GIPC2: variants seen among roughly 807,000 people sequenced by gnomAD.
The protein encoded by GIPC2 is PDZ domain-containing protein GIPC2.
In GIPC2, 30 loss-of-function variants were observed where a neutral mutation model predicts 30.6. That is an observed-to-expected ratio of 0.98 (90% CI 0.73 to 1.33). The LOEUF (loss-of-function observed/expected upper bound fraction) is 1.33. Among genes scored for constraint, GIPC2 ranks in the 40% most tolerant of loss-of-function variants. The probability of loss-of-function intolerance (pLI) is 0.00; values close to 1 mark genes in which losing one functional copy is unlikely to be tolerated. For missense variants in GIPC2, 414 were observed against 390.3 expected (o/e 1.06, Z -0.51); for synonymous variants, 167 against 150.0 (o/e 1.11, Z -0.83).
intron 3 of GIPC2, among the ~76,000 whole-genome samples, chr1:78,119,068 A>G (rs1369134208): frequency 6.7e-6 from 1 of 150,134 alleles, no homozygotes. Flanking sequence ...TTTTTTTGTG[A>G]CTTTGATGAA....
chr1:78,086,369 C>G (rs1254485054), intron 2 of GIPC2, among the ~76,000 whole-genome samples: 1 of 152,036 alleles, frequency 6.6e-6, no homozygotes, highest in Admixed American at 6.6e-5. Flanking sequence ...AGAGTATATA[C>G]CATGTGGTGA....
upstream of GIPC2, chr1:78,045,124 T>C (rs1661044023): frequency 1.1e-6 from 1 of 926,270 alleles, no homozygotes; most frequent in Non-Finnish European, 1.3e-6. Context: ...GAATTACTTG[T>C]ATTTGGTAAT....
rs746204143 is a variant in GIPC2, at chr1:78,046,141, C to G, written c.47C>G (p.Thr16Ser). Residue 16 changes from threonine to serine, a missense_variant, in exon 1 of 6, where the codon ACC becomes AGC. Coordinates refer to ENST00000370759, the MANE Select transcript of GIPC2 (RefSeq NM_017655.6). ...RGKKKAKSKE[T>S]AGLVEGEPTG... ...AAGAAGAAGGCCAAGTCCAAGGAGA[C>G]CGCCGGGCTGGTGGAGGGCGAGCCG... 1.3e-6 allele frequency: 2 copies of G among 1,534,224 alleles called. No individual in the cohort carries two copies. Among genetic ancestry groups the G allele is most frequent in the Non-Finnish European group, 1.7e-6 (2 of 1,143,068 alleles).
intron 2 of GIPC2, among the ~76,000 whole-genome samples, chr1:78,093,096 C>A (rs1215265759): frequency 6.7e-6 from 1 of 150,338 alleles, no homozygotes; most frequent in African/African-American, 2.5e-5. Flanking sequence ...TGTAGTTGAC[C>A]AAATAAAAAA....
intron 1 of GIPC2, among the ~76,000 whole-genome samples, chr1:78,062,622 C>G (rs114870119): frequency 0.019 from 2,934 of 151,644 alleles, 40 homozygotes; most frequent in Non-Finnish European, 0.03. Context: ...ATCCTGTCAC[C>G]TCAGCCTCCT....
chr1:78,052,860 A>G (rs936121390), intron 1 of GIPC2, among the ~76,000 whole-genome samples: 1 of 152,164 alleles, frequency 6.6e-6, no homozygotes, highest in Non-Finnish European at 1.5e-5. Context: ...TTTGAAAGTC[A>G]ATATTCTGTA....
At chr1:78,092,194 T>A in intron 2 of GIPC2, 1 of 582,894 alleles carries the variant, frequency 1.7e-6, no homozygotes, top group Non-Finnish European at 3.0e-6. Context: ...GGGAATGTAA[T>A]TGAAAGGGGA....
chr1:78,075,109 A>G (rs781441416), intron 1 of GIPC2, among the ~76,000 whole-genome samples: 1 of 152,162 alleles, frequency 6.6e-6, no homozygotes, highest in Non-Finnish European at 1.5e-5. Context: ...GCTGCAAGTA[A>G]CAGAAAACTA....
At chr1:78,046,614 G>A (rs1275141429) in intron 1 of GIPC2, among the ~76,000 whole-genome samples, 5 of 152,296 alleles carry the variant, frequency 3.3e-5, no homozygotes, top group Middle Eastern at 3.4e-3. Context: ...GCTTGCAAAT[G>A]TGTTTGCTCC....
rs1661238598 is a variant in GIPC2, at chr1:78,053,762, A to AG, written c.240+7428_240+7429insG. Among the ~76,000 whole-genome samples, 4 of 136,872 alleles carry AG rather than the reference A, an allele frequency of 2.9e-5. No individual in the cohort carries two copies. In the South Asian group the frequency reaches 9.2e-4, roughly 31 times the overall value. The allele number at this position is 136,872 out of a possible 152,430, so 89.8% of individuals were successfully genotyped here. The stretch of plus-strand genomic sequence containing the variant: ...CTGCCTCTTAAAAAAAAAAAAAAAA[A>AG]AAAGCCAAAAAAAAAAAAATTAGCC... On this transcript the variant is annotated intron_variant, in intron 1 of 5. Coordinates refer to ENST00000370759, the MANE Select transcript of GIPC2 (RefSeq NM_017655.6).
chr1:78,134,615 C>A (rs1287402511), intron 5 of GIPC2, among the ~76,000 whole-genome samples: 5 of 152,152 alleles, frequency 3.3e-5, no homozygotes, highest in Non-Finnish European at 7.3e-5. Flanking sequence ...CCACATCTCT[C>A]CCTTTTCTTC....
intron 5 of GIPC2, among the ~76,000 whole-genome samples, chr1:78,132,293 G>C (rs2100454707): frequency 6.6e-6 from 1 of 152,310 alleles, no homozygotes; most frequent in Middle Eastern, 3.4e-3. Context: ...CACTAATGAT[G>C]ATTACTATTA....
chr1:78,137,198 A>G lies in GIPC2; in HGVS notation c.*1455A>G, dbSNP rs1351967648. On this transcript the variant is annotated 3_prime_UTR_variant, in exon 6 of 6. Transcript: ENST00000370759. The stretch of plus-strand genomic sequence containing the variant: ...TAGCTTATAGAATATGGACTGCCTT[A>G]TTGCTGTTGCTTATCATTTGAAAAT... 6.6e-6 allele frequency: 1 copy of G among 152,100 alleles called. No homozygotes were observed. The highest frequency in any genetic ancestry group is 1.5e-5 in the Non-Finnish European group (1 of 67,986). The allele number at this position is 152,100 out of a possible 1,614,324, so 9.4% of individuals were successfully genotyped here.
chr1:78,079,586 TGC>T (rs1247054075), intron 1 of GIPC2, among the ~76,000 whole-genome samples: 2 of 152,312 alleles, frequency 1.3e-5, no homozygotes, highest in African/African-American at 4.8e-5. Flanking sequence ...AGGCTTGCAA[TGC>T]CTGTGGTGGA....
chr1:78,128,906 G>A (rs551535775), intron 5 of GIPC2, among the ~76,000 whole-genome samples: 1 of 152,014 alleles, frequency 6.6e-6, no homozygotes, highest in Admixed American at 6.6e-5. Flanking sequence ...TTGAGAGTCT[G>A]AGGCAGGAGG....
At chr1:78,114,106 G>A (rs1480811097) in intron 3 of GIPC2, among the ~76,000 whole-genome samples, 4 of 152,206 alleles carry the variant, frequency 2.6e-5, no homozygotes, top group Admixed American at 6.5e-5. Flanking sequence ...CCCACAAGCC[G>A]TGCATTCCTG....
intron 3 of GIPC2, among the ~76,000 whole-genome samples, chr1:78,096,090 G>C (rs897902272): frequency 6.6e-6 from 1 of 152,188 alleles, no homozygotes; most frequent in East Asian, 1.9e-4. Context: ...AGAAATACAA[G>C]TGTAGGTTAT....
At chr1:78,056,184 G>C (rs528079242) in intron 1 of GIPC2, among the ~76,000 whole-genome samples, 1 of 152,264 alleles carries the variant, frequency 6.6e-6, no homozygotes, top group African/African-American at 2.4e-5. Flanking sequence ...TTAGTATGCA[G>C]TAAAACTTAT....
intron 3 of GIPC2, among the ~76,000 whole-genome samples, chr1:78,114,781 C>T (rs1557547581): frequency 6.6e-6 from 1 of 152,080 alleles, no homozygotes; most frequent in Non-Finnish European, 1.5e-5. Flanking sequence ...CAAGAGTGAA[C>T]TCTAAACTAT....
Sources: gnomAD v4.1 joint callset for allele counts (sites outside exome capture counted in the v4.1 genomes callset) on GRCh38, gnomAD v4.1.1 for gene constraint, MANE v1.5 for transcripts, NCBI Gene and HGNC (gene_info 2026-07-23, HGNC 2026-07-21) for gene names.